DLGAP1: variants seen among roughly 807,000 people sequenced by gnomAD.
The protein encoded by DLGAP1 is DLG associated protein 1.
Under a neutral mutation model 90.8 loss-of-function variants are expected in DLGAP1, and 11 were observed. That is an observed-to-expected ratio of 0.12 (90% CI 0.08 to 0.20). DLGAP1 has a LOEUF of 0.20. Ranked by LOEUF, DLGAP1 falls within the 10% of genes least tolerant of loss-of-function variation. The pLI, the probability that DLGAP1 is intolerant of heterozygous loss-of-function variation, is 1.00. For missense variants in DLGAP1, 1,050 were observed against 1,333.8 expected, an observed-to-expected ratio of 0.79 and a Z score of 3.31; for synonymous variants, 558 against 540.7, an observed-to-expected ratio of 1.03 and a Z score of -0.44.
At chr18:4,301,721 A>G (rs1568500506) in intron 1 of DLGAP1, among the ~76,000 whole-genome samples, 1 of 152,154 alleles carries the variant, frequency 6.6e-6, no homozygotes, top group African/African-American at 2.4e-5. Flanking sequence ...TTTCTGAGGA[A>G]CCTACATCTA....
chr18:3,847,720 T>C (rs1362209561), intron 4 of DLGAP1, among the ~76,000 whole-genome samples: 3 of 152,208 alleles, frequency 2.0e-5, no homozygotes, highest in African/African-American at 4.8e-5. Flanking sequence ...GGTTTTGAAG[T>C]ATTCCAATGA....
At chr18:4,307,917 C>T (rs613889) in intron 1 of DLGAP1, among the ~76,000 whole-genome samples, 92,232 of 151,712 alleles carry the variant, frequency 0.61, 30,133 homozygotes, top group Non-Finnish European at 0.71. Context: ...GGTTTCGCTA[C>T]ATTGGCCAGG....
At chr18:4,316,301 C>T (rs513123) in intron 1 of DLGAP1, among the ~76,000 whole-genome samples, 146,576 of 152,266 alleles carry the variant, frequency 0.96, 70,805 homozygotes, top group East Asian at 1. Flanking sequence ...ATATTGCATA[C>T]GAAAACACCA....
chr18:3,535,106 G>GTGTGTGTGTGTGTGTT (rs1382057948), intron 9 of DLGAP1, among the ~76,000 whole-genome samples: 2 of 151,108 alleles, frequency 1.3e-5, no homozygotes, highest in East Asian at 3.9e-4. Flanking sequence ...GTGTGTGTGT[G>GTGTGTGTGTGTGTGTT]TGTGTGTTGG....
At chr18:3,970,873 T>C (rs572636751) in intron 3 of DLGAP1, among the ~76,000 whole-genome samples, 1 of 152,280 alleles carries the variant, frequency 6.6e-6, no homozygotes, top group South Asian at 2.1e-4. Context: ...CCTGCCCTAG[T>C]TCTGAGGTCC....
intron 7 of DLGAP1, among the ~76,000 whole-genome samples, chr18:3,646,863 T>C (rs929376752): frequency 1.3e-5 from 2 of 152,056 alleles, no homozygotes; most frequent in African/African-American, 4.8e-5. Flanking sequence ...AGGCGGAGCT[T>C]GCAGTGAGCC....
At chr18:3,594,246 G>A (rs1450593431) in intron 7 of DLGAP1, 1 of 152,202 alleles carries the variant, frequency 6.6e-6, no homozygotes, top group African/African-American at 2.4e-5. Context: ...AACAGGTAAC[G>A]TGGCAACCTT....
At chr18:3,551,864 T>C (rs974234331) in intron 9 of DLGAP1, among the ~76,000 whole-genome samples, 2 of 150,474 alleles carry the variant, frequency 1.3e-5, no homozygotes, top group Admixed American at 6.7e-5. Context: ...CTGCACCCTC[T>C]GCCTCCTAGG....
rs921982904 is a variant in DLGAP1, at chr18:3,765,117, C to CTTTTTTT, written c.1173-22612_1173-22606dup. On this transcript the variant is annotated intron_variant, in intron 5 of 12. Transcript: ENST00000315677. ...CAGAATCTCCATGCACACTTGCAAA[C>CTTTTTTT]TTTTTTTTTTTTCTTTTTTTTTTTT... Among the ~76,000 whole-genome samples, 615 of 126,346 alleles carry CTTTTTTT rather than the reference C, an allele frequency of 4.9e-3. 33 individuals carry two copies. The highest frequency in any genetic ancestry group is 0.013 in the African/African-American group (425 of 33,174). The allele number at this position is 126,346 out of a possible 152,430, so 82.9% of individuals were successfully genotyped here. A position where few individuals can be genotyped will look rare whatever the true frequency, so the allele number is the denominator to read the frequency against.
chr18:4,311,181 G>A (rs2080389285), intron 1 of DLGAP1, among the ~76,000 whole-genome samples: 1 of 152,086 alleles, frequency 6.6e-6, no homozygotes, highest in East Asian at 1.9e-4. Context: ...CTCCCTTAGG[G>A]CACAATTCAT....
rs7237822 is a variant in DLGAP1 at position 4,136,073 on chromosome 18, G to T, written c.-159+15107C>A. On this transcript the variant is annotated intron_variant, in intron 2 of 12. Transcript: ENST00000315677. ...GATGTTCCCCATCCTGTGTCGAAGT[G>T]TTCTCATTGTTCAATGTCCACCTAT... 5.1e-3 allele frequency among the ~76,000 whole-genome samples: 777 copies of T among 151,384 alleles called. 5 individuals are homozygous for T. Among genetic ancestry groups the T allele is most frequent in the South Asian group, 0.023 (109 of 4,780 alleles).
intron 6 of DLGAP1, among the ~76,000 whole-genome samples, chr18:3,732,825 A>T (rs1445753353): frequency 6.6e-6 from 1 of 152,064 alleles, no homozygotes; most frequent in Non-Finnish European, 1.5e-5. Context: ...TTCTTTTTTT[A>T]GTGGGAAATG....
intron 5 of DLGAP1, among the ~76,000 whole-genome samples, chr18:3,797,511 T>C (rs911416061): frequency 6.6e-6 from 1 of 152,086 alleles, no homozygotes; most frequent in African/African-American, 2.4e-5. Context: ...ACCCAGTCTA[T>C]GGTATTTTGT....
At chr18:3,977,434 G>GTGTTTTTTTTTT (rs1555718019) in intron 3 of DLGAP1, among the ~76,000 whole-genome samples, 3 of 95,338 alleles carry the variant, frequency 3.1e-5, no homozygotes, top group African/African-American at 1.3e-4. Context: ...TTTATTCTGT[G>GTGTTTTTTTTTT]TTTTTTTTTT....
At chr18:3,596,184 G>A (rs570165465) in intron 7 of DLGAP1, among the ~76,000 whole-genome samples, 2 of 151,622 alleles carry the variant, frequency 1.3e-5, no homozygotes, top group Non-Finnish European at 2.9e-5. Flanking sequence ...TTTTAAGACC[G>A]TGTCTTACTC....
chr18:3,977,686 T>C, intron 3 of DLGAP1: 2 of 325,468 alleles, frequency 6.1e-6, no homozygotes, highest in South Asian at 5.9e-5. Context: ...TACTACCCTG[T>C]TGCTGTAGCC....
intron 7 of DLGAP1, among the ~76,000 whole-genome samples, chr18:3,690,721 C>T (rs406870): frequency 0.26 from 39,215 of 152,040 alleles, 6,107 homozygotes; most frequent in African/African-American, 0.43. Context: ...GGAGAAATTC[C>T]TTGTAATGTC....
chr18:4,159,398 C>T (rs4621072), intron 1 of DLGAP1, among the ~76,000 whole-genome samples: 28,257 of 152,150 alleles, frequency 0.19, 3,316 homozygotes, highest in Middle Eastern at 0.28. Context: ...ACTCAACCTC[C>T]GGCTTTTGAA....
chr18:4,334,528 T>C (rs2081027862), intron 1 of DLGAP1, among the ~76,000 whole-genome samples: 2 of 151,894 alleles, frequency 1.3e-5, no homozygotes, highest in South Asian at 4.1e-4. Flanking sequence ...CTGACTTCAA[T>C]TTGCAAAAGT....
Sources: gnomAD v4.1 joint callset for allele counts (sites outside exome capture counted in the v4.1 genomes callset) on GRCh38, gnomAD v4.1.1 for gene constraint, MANE v1.5 for transcripts, NCBI Gene and HGNC (gene_info 2026-07-23, HGNC 2026-07-21) for gene names.